SUPT3H: variants seen among roughly 807,000 people sequenced by gnomAD.
SUPT3H encodes SPT3 homolog, SAGA and STAGA complex component.
Under a neutral mutation model 44.3 loss-of-function variants are expected in SUPT3H, and 44 were observed. The ratio of observed to expected loss-of-function variants is 0.99; its 90% CI spans 0.78 to 1.28. SUPT3H has a LOEUF of 1.28. Among genes scored for constraint, SUPT3H ranks in the 50% most tolerant of loss-of-function variants. The pLI is 0.00. For synonymous variants in SUPT3H, 124 were observed against 125.6 expected (o/e 0.99, Z 0.09); for missense variants, 380 against 387.1 (o/e 0.98, Z 0.15).
chr6:44,824,493 TA>T (rs571724133), downstream of SUPT3H, among the ~76,000 whole-genome samples: 14 of 150,528 alleles, frequency 9.3e-5, no homozygotes, highest in East Asian at 1.9e-4. Flanking sequence ...GACCCCATCT[TA>T]AAAAAAAAAT....
At chr6:45,346,233 A>G (rs1790828357) in intron 2 of SUPT3H, among the ~76,000 whole-genome samples, 1 of 152,206 alleles carries the variant, frequency 6.6e-6, no homozygotes, top group Non-Finnish European at 1.5e-5. Flanking sequence ...GTAAATATAT[A>G]TAATTCTACT....
chr6:45,365,461 T>C (rs1158186561), intron 1 of SUPT3H, among the ~76,000 whole-genome samples, 160 bp from the exon 2 acceptor site: 1 of 151,892 alleles, frequency 6.6e-6, no homozygotes, highest in Non-Finnish European at 1.5e-5. Context: ...ATGTTCTTTA[T>C]TAAAATGAAA....
In SUPT3H at chr6:45,368,221, G is replaced by C. The variant is rs113903014; in HGVS notation, c.1-2920C>G. Among the ~76,000 whole-genome samples the C allele has an allele frequency of 6.3e-3, 953 of 152,186 alleles. 14 individuals carry two copies. Among genetic ancestry groups the C allele is most frequent in the African/African-American group, 0.022 (913 of 41,530 alleles). On this transcript the variant is annotated intron_variant, in intron 1 of 10. Coordinates refer to ENST00000371459, the MANE Select transcript of SUPT3H (RefSeq NM_003599.4). ...AAATGAATTCAGATGTGCAGATTGG[G>C]ACCTAGATTATTTCAACATGCCAGA... is the stretch of plus-strand genomic sequence containing the variant.
At chr6:45,023,504 A>G (rs1185361650) in intron 3 of SUPT3H, among the ~76,000 whole-genome samples, 1 of 152,180 alleles carries the variant, frequency 6.6e-6, no homozygotes, top group African/African-American at 2.4e-5. Context: ...ACTGTTCACA[A>G]TAACAAGGAC....
At chr6:45,365,420 G>A in intron 1 of SUPT3H, 119 bp from the exon 2 acceptor site, 1 of 663,758 alleles carries the variant, frequency 1.5e-6, no homozygotes, top group Non-Finnish European at 2.5e-6. Flanking sequence ...TTTCTGATTT[G>A]TTTTGCACAA....
intron 2 of SUPT3H, among the ~76,000 whole-genome samples, chr6:45,108,410 G>GT (rs1200492488): frequency 2.6e-5 from 4 of 152,168 alleles, no homozygotes; most frequent in Admixed American, 2.6e-4. Flanking sequence ...ATATGTGTGT[G>GT]TATGTGTGCA....
intron 2 of SUPT3H, among the ~76,000 whole-genome samples, chr6:45,146,592 A>T (rs1479128176): frequency 6.6e-6 from 1 of 152,194 alleles, no homozygotes; most frequent in Non-Finnish European, 1.5e-5. Context: ...AAAATAAAAT[A>T]GATATTTTGT....
At chr6:45,232,260 G>A (rs1333384073) in intron 2 of SUPT3H, among the ~76,000 whole-genome samples, 1 of 152,138 alleles carries the variant, frequency 6.6e-6, no homozygotes, top group Non-Finnish European at 1.5e-5. Flanking sequence ...AGGCCCCTTT[G>A]GCTTTGATTA....
chr6:44,945,583 T>C (rs1773207737), intron 9 of SUPT3H, among the ~76,000 whole-genome samples: 1 of 152,136 alleles, frequency 6.6e-6, no homozygotes, highest in Non-Finnish European at 1.5e-5. Flanking sequence ...GAATAGAAGA[T>C]CAAACTAGCC....
intron 10 of SUPT3H, among the ~76,000 whole-genome samples, chr6:44,859,961 G>T (rs1410348643): frequency 4.6e-5 from 7 of 152,226 alleles, no homozygotes; most frequent in African/African-American, 1.7e-4. Context: ...AAATGAGATT[G>T]GGGAATCAAA....
chr6:45,212,934 TC>T (rs1289801455), intron 2 of SUPT3H, among the ~76,000 whole-genome samples: 1 of 152,116 alleles, frequency 6.6e-6, no homozygotes, highest in East Asian at 1.9e-4. Flanking sequence ...AAGTTTATTT[TC>T]CAAGGATGAC....
At chr6:44,921,483 G>A (rs1235886926) in intron 10 of SUPT3H, among the ~76,000 whole-genome samples, 4 of 152,126 alleles carry the variant, frequency 2.6e-5, no homozygotes, top group Non-Finnish European at 5.9e-5. Flanking sequence ...GGCAAAGTTA[G>A]GTCACCAACA....
intron 2 of SUPT3H, among the ~76,000 whole-genome samples, chr6:45,358,840 T>C (rs184410887): frequency 2.2e-4 from 33 of 152,260 alleles, no homozygotes; most frequent in Admixed American, 1.8e-3. Flanking sequence ...AAAAAAAGAC[T>C]ATAAATAGCT....
intron 2 of SUPT3H, among the ~76,000 whole-genome samples, chr6:45,355,096 T>C (rs1370945320): frequency 6.7e-6 from 1 of 149,830 alleles, no homozygotes; most frequent in Non-Finnish European, 1.5e-5. Context: ...CACCTCAGCC[T>C]CCCAAGCATC....
intron 2 of SUPT3H, among the ~76,000 whole-genome samples, chr6:45,341,934 G>A (rs1789864344): frequency 6.6e-6 from 1 of 152,132 alleles, no homozygotes; most frequent in Admixed American, 6.5e-5. Context: ...AGCCAGAACA[G>A]TCAACCAAAA....
chr6:44,853,705 G>A (rs1440280699), intron 10 of SUPT3H, among the ~76,000 whole-genome samples: 1 of 152,026 alleles, frequency 6.6e-6, no homozygotes, highest in Non-Finnish European at 1.5e-5. Flanking sequence ...TTACATACCT[G>A]AGCTATAAAC....
At chr6:45,326,749 A>T (rs1266854344) in intron 2 of SUPT3H, among the ~76,000 whole-genome samples, 1 of 152,004 alleles carries the variant, frequency 6.6e-6, no homozygotes, top group Admixed American at 6.6e-5. Context: ...CCAAAAGCAG[A>T]TAATGAATAG....
At chr6:45,126,094 T>C (rs1802392309) in intron 2 of SUPT3H, among the ~76,000 whole-genome samples, 1 of 152,210 alleles carries the variant, frequency 6.6e-6, no homozygotes, top group Non-Finnish European at 1.5e-5. Context: ...TGCCCAAATT[T>C]AAATTTCAGG....
chr6:45,068,376 G>A (rs1377217022), intron 3 of SUPT3H, among the ~76,000 whole-genome samples: 3 of 145,464 alleles, frequency 2.1e-5, no homozygotes, highest in Non-Finnish European at 3.0e-5. Context: ...TGACGAGTTA[G>A]TGGGTGCAGC....
Sources: allele counts gnomAD v4.1 joint callset (sites outside exome capture counted in the v4.1 genomes callset), GRCh38; gene constraint gnomAD v4.1.1; transcripts MANE v1.5; gene names NCBI Gene and HGNC (gene_info 2026-07-23, HGNC 2026-07-21).